CLDN10: variants seen among roughly 807,000 people sequenced by gnomAD.
CLDN10 encodes the protein claudin 10, also known as claudin-10.
A neutral mutation model predicts 22.9 loss-of-function variants in CLDN10; 15 were observed. The ratio of observed to expected loss-of-function variants is 0.65; its 90% CI spans 0.44 to 1.01. The LOEUF is 1.01. CLDN10 is among the 50% of genes least tolerant of loss of function. The pLI is 0.00. For missense variants in CLDN10, 247 were observed against 287.8 expected, an observed-to-expected ratio of 0.86 and a Z score of 1.03; for synonymous variants, 114 against 111.4, an observed-to-expected ratio of 1.02 and a Z score of -0.15.
intron 1 of CLDN10, among the ~76,000 whole-genome samples, chr13:95,466,004 T>A (rs1326549875): frequency 6.6e-6 from 1 of 152,096 alleles, no homozygotes; most frequent in Non-Finnish European, 1.5e-5. Context: ...CTGAGATAAA[T>A]CCCATTTAGT....
chr13:95,559,836 A>G (rs569861704), intron 1 of CLDN10, among the ~76,000 whole-genome samples: 1 of 152,258 alleles, frequency 6.6e-6, no homozygotes, highest in African/African-American at 2.4e-5. Context: ...TTTCTAACTC[A>G]CCTCTGGTAA....
At chr13:95,482,522 G>C (rs187444682) in intron 1 of CLDN10, among the ~76,000 whole-genome samples, 1 of 152,062 alleles carries the variant, frequency 6.6e-6, no homozygotes, top group East Asian at 1.9e-4. Context: ...ACACCTTCTC[G>C]GGCTGCCTTC....
intron 1 of CLDN10, among the ~76,000 whole-genome samples, chr13:95,461,758 G>T (rs1470660305): frequency 6.6e-6 from 1 of 152,112 alleles, no homozygotes; most frequent in African/African-American, 2.4e-5. Flanking sequence ...TGCTTTACCT[G>T]TGCACTTCTG....
chr13:95,552,862 G>A lies in CLDN10; in HGVS notation c.109G>A (p.Gly37Ser). ...TDYWKVSTID[G>S]TVITTATYWA... ...CTACTGGAAGGTGTCTACCATCGAC[G>A]GCACGGTCATCACAACCGCCACCTA... The change falls in exon 1 of 5, where the codon GGC becomes AGC. Residue 37 changes from glycine to serine, a missense_variant. Physicochemically the swap from Gly to Ser is moderately conservative, Grantham distance 56. Transcript: ENST00000299339. 1 of 1,614,088 alleles carries A rather than the reference G, an allele frequency of 6.2e-7. No homozygotes were observed. The highest frequency in any genetic ancestry group is 8.5e-7 in the Non-Finnish European group (1 of 1,179,998).
At chr13:95,477,689 G>C (rs869529) in intron 1 of CLDN10, among the ~76,000 whole-genome samples, 17,553 of 152,140 alleles carry the variant, frequency 0.12, 1,127 homozygotes, top group South Asian at 0.22. Flanking sequence ...CAACCCTACT[G>C]TGGATGGTCT....
At chr13:95,474,355 T>C (rs1010706428) in intron 1 of CLDN10, among the ~76,000 whole-genome samples, 1 of 152,148 alleles carries the variant, frequency 6.6e-6, no homozygotes, top group African/African-American at 2.4e-5. Context: ...ATGTGAGCCA[T>C]GGGGAGCAGC....
intron 1 of CLDN10, among the ~76,000 whole-genome samples, chr13:95,513,164 G>A (rs1303379884): frequency 6.6e-6 from 1 of 152,184 alleles, no homozygotes; most frequent in Non-Finnish European, 1.5e-5. Context: ...ACAGGCATGA[G>A]CCAACATGCC....
At chr13:95,492,495 G>A (rs1027925014) in intron 1 of CLDN10, among the ~76,000 whole-genome samples, 5 of 152,088 alleles carry the variant, frequency 3.3e-5, no homozygotes, top group Non-Finnish European at 7.4e-5. Context: ...AAACCGAAGG[G>A]TCGGCCTCAC....
intron 3 of CLDN10, among the ~76,000 whole-genome samples, chr13:95,563,128 CTCTCTCTG>C (rs1246609075): frequency 1.1e-4 from 16 of 149,254 alleles, no homozygotes; most frequent in African/African-American, 4.0e-4. Flanking sequence ...CTCTCTCTCT[CTCTCTCTG>C]TCTGTATTCT....
chr13:95,449,084 C>G (rs1454815800), intron 1 of CLDN10, among the ~76,000 whole-genome samples: 1 of 151,998 alleles, frequency 6.6e-6, no homozygotes, highest in South Asian at 2.1e-4. Flanking sequence ...CCAGGTCTCC[C>G]AGCTTGGAGT....
At chr13:95,485,755 G>C (rs2042797401) in intron 1 of CLDN10, among the ~76,000 whole-genome samples, 3 of 152,200 alleles carry the variant, frequency 2.0e-5, no homozygotes. Flanking sequence ...AGAAATTCTA[G>C]CCGTGCTTTG....
chr13:95,528,316 C>G (rs571351162), intron 1 of CLDN10, among the ~76,000 whole-genome samples: 1 of 152,132 alleles, frequency 6.6e-6, no homozygotes, highest in African/African-American at 2.4e-5. Context: ...GGTTCTCATT[C>G]TCTCTTGCCT....
intron 1 of CLDN10, among the ~76,000 whole-genome samples, chr13:95,487,735 C>T (rs1264023665): frequency 3.9e-5 from 6 of 152,086 alleles, no homozygotes; most frequent in South Asian, 2.1e-4. Flanking sequence ...AGTGCAGTGG[C>T]GTGATCATGG....
chr13:95,458,762 C>T (rs2139086605), intron 1 of CLDN10, among the ~76,000 whole-genome samples: 1 of 152,248 alleles, frequency 6.6e-6, no homozygotes, highest in Non-Finnish European at 1.5e-5. Flanking sequence ...TCCCAAATCT[C>T]ATGTCCTCAC....
At chr13:95,495,443 C>T (rs1269894667) in intron 1 of CLDN10, among the ~76,000 whole-genome samples, 1 of 151,758 alleles carries the variant, frequency 6.6e-6, no homozygotes, top group Non-Finnish European at 1.5e-5. Context: ...CTTGTAATTT[C>T]CTAGAAAGAA....
In CLDN10 at chr13:95,533,053, T is replaced by C. The variant is rs112868985; in HGVS notation, c.215-27079T>C. 3.6e-3 allele frequency among the ~76,000 whole-genome samples: 548 copies of C among 151,988 alleles called. 3 individuals are homozygous for C. Among genetic ancestry groups the C allele is most frequent in the African/African-American group, 0.011 (477 of 41,488 alleles). On this transcript the variant is annotated intron_variant, in intron 1 of 4. Coordinates refer to the CLDN10 transcript ENST00000376873. The stretch of plus-strand genomic sequence containing the variant: ...GTTTCATTTACACAGATGTATGCAT[T>C]TGTCAAAAGTTAGTGAATGTACACT...
rs2138699998 is a variant in CLDN10, at chr13:95,578,593, C to CAG, written c.*584_*585dup. ...TGGTAGAACTTAACTTCTACAGGAT[C>CAG]AGAGAGGATCTTGCTCATTCATGGC... On this transcript the variant is annotated 3_prime_UTR_variant, in exon 5 of 5. Transcript: ENST00000299339. The CAG allele has an allele frequency of 6.6e-6, 1 of 152,296 alleles. No individual in the cohort carries two copies. The highest frequency in any genetic ancestry group is 2.1e-4 in the South Asian group (1 of 4,824). The allele number at this position is 152,296 out of a possible 1,614,324, so 9.4% of individuals were successfully genotyped here.
At chr13:95,556,934 C>T (rs1315727377) in intron 1 of CLDN10, among the ~76,000 whole-genome samples, 1 of 152,212 alleles carries the variant, frequency 6.6e-6, no homozygotes, top group East Asian at 1.9e-4. Flanking sequence ...AGCTTTCCTC[C>T]AACAGAGTTC....
At chr13:95,569,272 A>C (rs1238003169) in intron 3 of CLDN10, among the ~76,000 whole-genome samples, 1 of 152,186 alleles carries the variant, frequency 6.6e-6, no homozygotes, top group Non-Finnish European at 1.5e-5. Context: ...GGCACGTTTG[A>C]AGGGGACCTA....
Sources: allele counts gnomAD v4.1 joint callset (sites outside exome capture counted in the v4.1 genomes callset), GRCh38; gene constraint gnomAD v4.1.1; transcripts MANE v1.5; gene names NCBI Gene and HGNC (gene_info 2026-07-23, HGNC 2026-07-21).